Variants in CSMD3 observed in about 807,000 individuals in gnomAD.
CSMD3 encodes the protein CUB and Sushi multiple domains 3, also known as CUB and sushi domain-containing protein 3.
CSMD3 carries 177 observed loss-of-function variants against 435.2 expected under a neutral mutation model. That is an observed-to-expected ratio of 0.41 (90% CI 0.36 to 0.46). The LOEUF is 0.46. Ranked by LOEUF, CSMD3 falls within the 20% of genes least tolerant of loss-of-function variation. The pLI, the probability that CSMD3 is intolerant of heterozygous loss-of-function variation, is 0.34. For synonymous variants in CSMD3, 1,656 were observed against 1,520.5 expected (o/e 1.09, Z -2.07); for missense variants, 4,265 against 4,504.6 (o/e 0.95, Z 1.52).
chr8:113,414,474 C>T (rs924388657), intron 1 of CSMD3, among the ~76,000 whole-genome samples: 2 of 151,774 alleles, frequency 1.3e-5, no homozygotes, highest in Non-Finnish European at 2.9e-5. Flanking sequence ...TCCTATGCAC[C>T]CTTATAACAT....
intron 4 of CSMD3, among the ~76,000 whole-genome samples, chr8:113,127,616 C>A (rs2091171740): frequency 6.6e-6 from 1 of 152,156 alleles, no homozygotes; most frequent in Admixed American, 6.6e-5. Flanking sequence ...ACTCCTTTCA[C>A]CTAGGCTTTC....
At chr8:112,743,644 T>G (rs1025084334) in intron 13 of CSMD3, among the ~76,000 whole-genome samples, 1 of 152,008 alleles carries the variant, frequency 6.6e-6, no homozygotes, top group African/African-American at 2.4e-5. Context: ...CTTTTTCTGA[T>G]TTTTAGAGAA....
intron 36 of CSMD3, 68 bp from the exon 37 acceptor site, chr8:112,383,731 A>T: frequency 3.1e-6 from 3 of 959,724 alleles, no homozygotes; most frequent in Non-Finnish European, 5.1e-6. Flanking sequence ...TAGTCCACCA[A>T]TCCCCCTTGG....
chr8:113,246,796 G>C (rs1380403918), intron 3 of CSMD3, among the ~76,000 whole-genome samples: 2 of 152,236 alleles, frequency 1.3e-5, no homozygotes, highest in East Asian at 3.9e-4. Context: ...ACTCTTCCCT[G>C]ATGCATGTGG....
Position 113,241,825 on chromosome 8 carries a change from A to T in CSMD3, c.514+36767T>A, listed in dbSNP as rs190127105. Reference sequence around the variant, plus strand: ...TCTTGTCCTCTGACACACATCACTGACTTTTTCAGAAAAACATCCATACTG... The same window carrying T: ...TCTTGTCCTCTGACACACATCACTGTCTTTTTCAGAAAAACATCCATACTG... On this transcript the variant is annotated intron_variant, in intron 3 of 70. Coordinates refer to ENST00000297405, the MANE Select transcript of CSMD3 (RefSeq NM_198123.2). 5.8e-4 allele frequency among the ~76,000 whole-genome samples: 88 copies of T among 152,000 alleles called. 1 individual carries two copies. The highest frequency in any genetic ancestry group is 2.0e-3 in the African/African-American group (84 of 41,530).
intron 13 of CSMD3, among the ~76,000 whole-genome samples, chr8:112,796,379 C>T (rs2078829384): frequency 6.6e-6 from 1 of 152,042 alleles, no homozygotes; most frequent in African/African-American, 2.4e-5. Context: ...GACCAAACTT[C>T]CTATCATCAT....
chr8:113,003,805 A>T (rs1391630407), intron 6 of CSMD3, among the ~76,000 whole-genome samples: 1 of 152,076 alleles, frequency 6.6e-6, no homozygotes, highest in Admixed American at 6.6e-5. Context: ...TCTTCAACTT[A>T]AATCGCACAA....
At chr8:112,395,971 T>C (rs1242286693) in intron 35 of CSMD3, among the ~76,000 whole-genome samples, 1 of 152,200 alleles carries the variant, frequency 6.6e-6, no homozygotes, top group Non-Finnish European at 1.5e-5. Flanking sequence ...TTATTAAATA[T>C]TGTTTAAAAA....
intron 10 of CSMD3, among the ~76,000 whole-genome samples, chr8:112,920,997 GCACACACA>G (rs747366512): frequency 1.3e-3 from 146 of 114,970 alleles, no homozygotes; most frequent in African/African-American, 3.8e-3. Context: ...ACGCGCGCGC[GCACACACA>G]CACACACACA....
At chr8:112,641,349 AT>A (rs2074820279) in intron 20 of CSMD3, among the ~76,000 whole-genome samples, 1 of 152,324 alleles carries the variant, frequency 6.6e-6, no homozygotes, top group South Asian at 2.1e-4. Context: ...AGAAACTACT[AT>A]ATTCTAGTCA....
At chr8:112,903,151 CAAAAA>C (rs763330055) in intron 10 of CSMD3, among the ~76,000 whole-genome samples, 18 of 53,776 alleles carry the variant, frequency 3.3e-4, no homozygotes, top group Non-Finnish European at 5.9e-4. Context: ...GCAGTCTTGG[CAAAAA>C]AAAAAAAAAA....
intron 6 of CSMD3, among the ~76,000 whole-genome samples, chr8:112,982,238 T>C (rs566247952): frequency 6.6e-6 from 1 of 151,870 alleles, no homozygotes; most frequent in Non-Finnish European, 1.5e-5. Context: ...CTTGCAGAAA[T>C]AAATTTCACA....
At chr8:112,398,203 T>C (rs1831014056) in intron 35 of CSMD3, among the ~76,000 whole-genome samples, 1 of 152,184 alleles carries the variant, frequency 6.6e-6, no homozygotes. Context: ...CCACTGGGCC[T>C]ATGGTCTCAC....
At chr8:112,263,884 C>A (rs1816682312) in intron 60 of CSMD3, 72 bp from the exon 61 acceptor site, 4 of 1,338,580 alleles carry the variant, frequency 3.0e-6, no homozygotes, top group South Asian at 1.2e-5. Flanking sequence ...AAATAAATAT[C>A]ATTAGAAGAA....
intron 30 of CSMD3, among the ~76,000 whole-genome samples, chr8:112,494,979 A>G (rs1451129474): frequency 6.6e-6 from 1 of 152,104 alleles, no homozygotes; most frequent in Non-Finnish European, 1.5e-5. Flanking sequence ...CATATATTAT[A>G]CTCAAGCTGC....
At chr8:113,270,369 T>C (rs1391334738) in intron 3 of CSMD3, among the ~76,000 whole-genome samples, 1 of 151,872 alleles carries the variant, frequency 6.6e-6, no homozygotes, top group Non-Finnish European at 1.5e-5. Context: ...ACTTTTACAC[T>C]GTTGGTGGGA....
chr8:113,338,674 C>A (rs1353719019), intron 1 of CSMD3, among the ~76,000 whole-genome samples: 3 of 151,786 alleles, frequency 2.0e-5, no homozygotes, highest in East Asian at 3.9e-4. Flanking sequence ...CCAGAATAGG[C>A]AAATCTATGC....
chr8:112,827,160 CATAAAT>C (rs1462216648), intron 12 of CSMD3, among the ~76,000 whole-genome samples: 538 of 38,652 alleles, frequency 0.014, 36 homozygotes, highest in African/African-American at 0.035. Flanking sequence ...ACTAGGTTAC[CATAAAT>C]ATATATATAT....
chr8:112,452,226 CTT>C (rs1816363954), intron 32 of CSMD3, among the ~76,000 whole-genome samples: 1 of 152,236 alleles, frequency 6.6e-6, no homozygotes, highest in African/African-American at 2.4e-5. Context: ...TATCTTTGGA[CTT>C]TTCGAAACAT....
Sources: allele counts gnomAD v4.1 joint callset (sites outside exome capture counted in the v4.1 genomes callset), GRCh38; gene constraint gnomAD v4.1.1; transcripts MANE v1.5; gene names NCBI Gene and HGNC (gene_info 2026-07-23, HGNC 2026-07-21).